ZC3H3: variants seen among roughly 807,000 people sequenced by gnomAD.
ZC3H3 encodes zinc finger CCCH-type containing 3.
Under a neutral mutation model 77.3 loss-of-function variants are expected in ZC3H3, and 36 were observed. That is an observed-to-expected ratio of 0.47 (90% CI 0.36 to 0.61). The LOEUF is 0.61. ZC3H3 is among the 20% of genes least tolerant of loss of function. The pLI is 0.00. For missense variants in ZC3H3, 1,331 were observed against 1,312.2 expected (o/e 1.01, Z -0.22); for synonymous variants, 626 against 555.2 (o/e 1.13, Z -1.79).
intron 5 of ZC3H3, among the ~76,000 whole-genome samples, chr8:143,470,969 C>T (rs185010853): frequency 6.6e-6 from 1 of 152,160 alleles, no homozygotes; most frequent in East Asian, 1.9e-4. Context: ...CAGCCCCACC[C>T]CCTGCTCGGT....
rs1176396378 is a variant in ZC3H3, at chr8:143,533,960, G to A, written c.1561+2297C>T. Among the ~76,000 whole-genome samples the A allele has an allele frequency of 6.6e-6, 1 of 151,824 alleles. No individual in the cohort carries two copies. Among genetic ancestry groups the A allele is most frequent in the Non-Finnish European group, 1.5e-5 (1 of 67,972 alleles). On this transcript the variant is annotated intron_variant, in intron 3 of 11. Transcript: ENST00000262577. The surrounding 1 kb of genome is among the most constrained non-coding windows in gnomAD (Gnocchi z 4.0). ...CAGTGTGCTGGGATTACAGGCATGA[G>A]CCACCACGCCCAGCCTCACGTTGGT...
chr8:143,516,497 C>A (rs1362048396), intron 3 of ZC3H3, among the ~76,000 whole-genome samples: 4 of 151,660 alleles, frequency 2.6e-5, no homozygotes, highest in Non-Finnish European at 5.9e-5. Context: ...GCCTCAAAGC[C>A]TCGTCAGCGC....
At chr8:143,479,648 C>G (rs1396938344) in intron 4 of ZC3H3, among the ~76,000 whole-genome samples, 1 of 152,226 alleles carries the variant, frequency 6.6e-6, no homozygotes, top group Non-Finnish European at 1.5e-5. Context: ...AAATCCATTT[C>G]TAATCCATTT....
chr8:143,438,337 T>A (rs891063749), intron 11 of ZC3H3, among the ~76,000 whole-genome samples: 3 of 151,882 alleles, frequency 2.0e-5, no homozygotes, highest in Non-Finnish European at 2.9e-5. Context: ...GCAGGCTCAG[T>A]CTATGAGGTC....
At chr8:143,474,483 C>T (rs1820669918) in intron 5 of ZC3H3, among the ~76,000 whole-genome samples, 2 of 152,258 alleles carry the variant, frequency 1.3e-5, no homozygotes, top group South Asian at 4.1e-4. Context: ...GCCCAGGAAA[C>T]AGCCCAGAAG....
intron 3 of ZC3H3, among the ~76,000 whole-genome samples, chr8:143,519,806 A>G (rs553792919): frequency 6.6e-6 from 1 of 152,248 alleles, no homozygotes; most frequent in East Asian, 1.9e-4. Context: ...AGGACTCATC[A>G]CGGGCCCAAA....
chr8:143,461,756 C>G (rs1289430021), intron 9 of ZC3H3, among the ~76,000 whole-genome samples: 1 of 151,950 alleles, frequency 6.6e-6, no homozygotes, highest in South Asian at 2.1e-4. Context: ...TCCAGCAACA[C>G]GAAAGGCCCA....
At chr8:143,523,909 G>A (rs1465532345) in intron 3 of ZC3H3, among the ~76,000 whole-genome samples, 1 of 152,242 alleles carries the variant, frequency 6.6e-6, no homozygotes, top group African/African-American at 2.4e-5. Flanking sequence ...GAAGGACGGG[G>A]CCTCACTACA....
Position 143,475,412 on chromosome 8 carries a change from G to A in ZC3H3, c.1889C>T (p.Pro630Leu), listed in dbSNP as rs149988955. Residue 630 changes from proline (P) to leucine (L), a missense_variant, in exon 5 of 12, where the codon CCC (proline) becomes CTC (leucine). Coordinates refer to ENST00000262577, the MANE Select transcript of ZC3H3 (RefSeq NM_015117.3). ...SGQPSDAGSRPLLRTGRLDPA... is the reference protein window; with the variant it reads ...SGQPSDAGSRLLLRTGRLDPA... Reference sequence around the variant, plus strand: ...TCACCTCTCACCTGTGCGCAGGAGGGGCCTGCTGCCCGCATCACTGGGCTG... The same window carrying A: ...TCACCTCTCACCTGTGCGCAGGAGGAGCCTGCTGCCCGCATCACTGGGCTG... 33 of 1,612,552 alleles carry A rather than the reference G, an allele frequency of 2.0e-5. No homozygotes were observed. In the African/African-American group the frequency reaches 4.4e-4, roughly 22 times the overall value.
At chr8:143,484,296 G>A (rs1456759737) in intron 4 of ZC3H3, among the ~76,000 whole-genome samples, 1 of 152,198 alleles carries the variant, frequency 6.6e-6, no homozygotes, top group African/African-American at 2.4e-5. Flanking sequence ...GGATTCGGAG[G>A]CGCCTCTGCA....
intron 3 of ZC3H3, among the ~76,000 whole-genome samples, chr8:143,520,937 G>A (rs1207572506): frequency 1.3e-5 from 2 of 152,176 alleles, no homozygotes; most frequent in African/African-American, 4.8e-5. Context: ...TGGGTTTCTG[G>A]CCCGTATACC....
rs533400947 is a variant in ZC3H3 at position 143,532,877 on chromosome 8, CACG to C, written c.1561+3377_1561+3379del. On this transcript the variant is annotated intron_variant, in intron 3 of 11. Transcript: ENST00000262577. ...CTCCCCTGCGGCCAGCTTGGAGTCT[CACG>C]GTGGCTGTCTCTGGGGTCAGCCGCC... 6.3e-4 allele frequency among the ~76,000 whole-genome samples: 96 copies of C among 152,278 alleles called. 1 individual carries two copies. The highest frequency in any genetic ancestry group is 2.2e-3 in the African/African-American group (92 of 41,560).
intron 11 of ZC3H3, among the ~76,000 whole-genome samples, chr8:143,439,763 G>A (rs772655462): frequency 1.8e-4 from 28 of 152,242 alleles, no homozygotes; most frequent in Non-Finnish European, 3.4e-4. Context: ...AGATTCTGAC[G>A]TGGTGGTCTG....
intron 3 of ZC3H3, among the ~76,000 whole-genome samples, chr8:143,535,705 C>G (rs1822773222): frequency 6.6e-6 from 1 of 152,262 alleles, no homozygotes; most frequent in Admixed American, 6.5e-5. Flanking sequence ...TCCCAGGCCA[C>G]CACAGGGGCT....
chr8:143,447,181 A>T (rs1349885418), intron 9 of ZC3H3, among the ~76,000 whole-genome samples: 2 of 152,192 alleles, frequency 1.3e-5, no homozygotes, highest in Non-Finnish European at 2.9e-5. Flanking sequence ...CACAGCACCC[A>T]GCCCTGCTTA....
intron 6 of ZC3H3, 24 bp from the exon 7 acceptor site, chr8:143,468,564 T>G: frequency 6.2e-7 from 1 of 1,602,012 alleles, no homozygotes; most frequent in Non-Finnish European, 8.5e-7. Flanking sequence ...GAGAGGTGCG[T>G]GAGCCTGAGG....
At chr8:143,495,529 G>A (rs1319637870) in intron 4 of ZC3H3, among the ~76,000 whole-genome samples, 1 of 152,158 alleles carries the variant, frequency 6.6e-6, no homozygotes, top group Non-Finnish European at 1.5e-5. Context: ...GAAGGGCAAT[G>A]GCAACGTTCT....
intron 4 of ZC3H3, among the ~76,000 whole-genome samples, chr8:143,483,577 G>T (rs1029007723): frequency 6.6e-6 from 1 of 152,176 alleles, no homozygotes; most frequent in African/African-American, 2.4e-5. Flanking sequence ...GGCGTGCAGT[G>T]GGGGTGCTAG....
chr8:143,466,301 C>T (rs1820407237), intron 8 of ZC3H3, among the ~76,000 whole-genome samples: 2 of 152,206 alleles, frequency 1.3e-5, no homozygotes, highest in African/African-American at 4.8e-5. Flanking sequence ...TCTCCCTCTC[C>T]AGGCACCTGA....
Sources: allele counts gnomAD v4.1 joint callset (sites outside exome capture counted in the v4.1 genomes callset), GRCh38; gene constraint gnomAD v4.1.1; non-coding constraint Gnocchi (gnomAD v3.1); transcripts MANE v1.5; gene names NCBI Gene and HGNC (gene_info 2026-07-23, HGNC 2026-07-21).